Variants in P2RX1 observed in about 807,000 individuals in gnomAD.
P2RX1 encodes the protein purinergic receptor P2X 1, also known as P2X purinoceptor 1.
In P2RX1, 42 loss-of-function variants were observed where a neutral mutation model predicts 50.3. That is an observed-to-expected ratio of 0.83 (90% CI 0.65 to 1.08). P2RX1 has a LOEUF of 1.08. Ranked by LOEUF, P2RX1 falls within the 50% of genes least tolerant of loss-of-function variation. The pLI is 0.00. For missense variants in P2RX1, 449 were observed against 529.0 expected, an observed-to-expected ratio of 0.85 and a Z score of 1.48; for synonymous variants, 199 against 202.6, an observed-to-expected ratio of 0.98 and a Z score of 0.15.
chr17:3,899,207 T>A, intron 8 of P2RX1, among the ~76,000 whole-genome samples, 183 bp from the exon 9 acceptor site: 1 of 1,174 alleles, frequency 8.5e-4, no homozygotes, highest in Non-Finnish European at 1.9e-3. Context: ...CAACTCCTTT[T>A]TCTTTTTTTT....
chr17:3,905,437 G>A (rs1324343941), intron 1 of P2RX1, 70 bp from the exon 2 acceptor site: 3 of 1,566,360 alleles, frequency 1.9e-6, no homozygotes, highest in East Asian at 2.2e-5. Context: ...GCTTTCCCAC[G>A]CCCTCCCCAG....
intron 1 of P2RX1, among the ~76,000 whole-genome samples, chr17:3,911,287 CTGTT>C (rs1391141263): frequency 2.0e-5 from 3 of 147,082 alleles, no homozygotes; most frequent in Non-Finnish European, 4.6e-5. Flanking sequence ...GGCACCCGGT[CTGTT>C]TTTCTTTCTT....
intron 2 of P2RX1, 138 bp downstream of exon 2, chr17:3,905,082 A>T (rs2056237013): frequency 7.9e-7 from 1 of 1,262,324 alleles, no homozygotes; most frequent in African/African-American, 1.5e-5. Flanking sequence ...TGATATCACC[A>T]GGCTGCTTCT....
intron 4 of P2RX1, 148 bp downstream of exon 4, chr17:3,904,182 G>T (rs1054122641): frequency 1.7e-5 from 17 of 985,086 alleles, no homozygotes; most frequent in Non-Finnish European, 2.4e-5. Context: ...CAGGGCGGAG[G>T]AGGGGAGACG....
intron 7 of P2RX1, among the ~76,000 whole-genome samples, chr17:3,900,696 C>T (rs994734482): frequency 2.6e-5 from 4 of 152,118 alleles, no homozygotes; most frequent in Admixed American, 1.3e-4. Context: ...GAGCATTTCT[C>T]GCTTTATAAT....
chr17:3,903,108 C>T lies in P2RX1; in HGVS notation c.747+94G>A, dbSNP rs148022965. The T allele has an allele frequency of 7.2e-4, 1,119 of 1,560,754 alleles. No individual in the cohort carries two copies. The highest frequency in any genetic ancestry group is 2.4e-3 in the Middle Eastern group (14 of 5,924). On this transcript the variant is annotated intron_variant, in intron 7 of 11. Transcript: ENST00000225538. This position sits in a 1 kb window ranked among gnomAD's most constrained non-coding sequence, Gnocchi z 4.6. ...ACCCATACATATACTCAGCCCTCAC[C>T]GAGGAGACTTGGGAAGATGAACTGG...
At chr17:3,901,153 T>C (rs75722672) in intron 7 of P2RX1, among the ~76,000 whole-genome samples, 19 of 152,208 alleles carry the variant, frequency 1.2e-4, no homozygotes, top group African/African-American at 4.1e-4. Flanking sequence ...CTGCAACCTC[T>C]GCCTCCCAGG....
In P2RX1 at chr17:3,898,166, C is replaced by T. The variant is rs562884531; in HGVS notation, c.1033-56G>A. On this transcript the variant is annotated intron_variant, in intron 10 of 11. Transcript: ENST00000225538. Reference sequence around the variant, plus strand: ...TGGGAATCCGGGGGTGGGTACGGAGCCCTCCACATCCCACCTCAGTCCCTG... The same window carrying T: ...TGGGAATCCGGGGGTGGGTACGGAGTCCTCCACATCCCACCTCAGTCCCTG... 28 of 1,392,708 alleles carry T rather than the reference C, an allele frequency of 2.0e-5. No homozygotes were observed. The African/African-American group carries it at 3.7e-4, about 18-fold the overall frequency. The allele number at this position is 1,392,708 out of a possible 1,614,324, so 86.3% of individuals were successfully genotyped here.
intron 4 of P2RX1, 80 bp downstream of exon 4, chr17:3,904,250 G>T (rs2056214583): frequency 1.4e-6 from 2 of 1,386,034 alleles, no homozygotes; most frequent in Admixed American, 3.4e-5. Context: ...AGAGAGGCAG[G>T]TCAGCACCAA....
intron 7 of P2RX1, among the ~76,000 whole-genome samples, chr17:3,901,234 A>ATT (rs754274320): frequency 1.3e-5 from 2 of 152,062 alleles, no homozygotes; most frequent in Non-Finnish European, 2.9e-5. Context: ...TGCCCGGCTA[A>ATT]TTTTTTATAT....
At chr17:3,915,631 G>A (rs1450046449) in intron 1 of P2RX1, 3 of 457,982 alleles carry the variant, frequency 6.6e-6, no homozygotes, top group South Asian at 3.1e-5. Flanking sequence ...GTCCCTGGAT[G>A]TCCCTTGCTC....
intron 1 of P2RX1, among the ~76,000 whole-genome samples, chr17:3,908,561 CA>C (rs1291310785): frequency 1.3e-5 from 2 of 151,876 alleles, no homozygotes; most frequent in Non-Finnish European, 2.9e-5. Context: ...GACTCCGTCT[CA>C]AAAAAACAAA....
Position 3,899,559 on chromosome 17 carries a change from A to G in P2RX1, c.875+75T>C, listed in dbSNP as rs60036854. The stretch of plus-strand genomic sequence containing the variant: ...CTCCCCTCTGGGGACACTTTCTCAG[A>G]CCTGAAGTGTTCTGGGAGTAGAAAA... On this transcript the variant is annotated intron_variant, in intron 8 of 11. Coordinates refer to ENST00000225538, the MANE Select transcript of P2RX1 (RefSeq NM_002558.4). 17,055 of 1,590,840 alleles carry G rather than the reference A, an allele frequency of 0.011. 1,567 individuals are homozygous for G. In the African/African-American group the frequency reaches 0.2, roughly 19 times the overall value.
intron 1 of P2RX1, among the ~76,000 whole-genome samples, chr17:3,911,856 C>T (rs1159285632): frequency 6.6e-6 from 1 of 152,120 alleles, no homozygotes; most frequent in Non-Finnish European, 1.5e-5. Flanking sequence ...GGTGGGCACG[C>T]AACCAGGCTC....
intron 1 of P2RX1, among the ~76,000 whole-genome samples, chr17:3,913,189 T>A (rs1233514121): frequency 6.7e-6 from 1 of 148,980 alleles, no homozygotes; most frequent in East Asian, 2.0e-4. Context: ...TGGAGTGCAA[T>A]GGGGCAATCT....
chr17:3,906,415 G>C (rs928527912), intron 1 of P2RX1, among the ~76,000 whole-genome samples: 1 of 152,204 alleles, frequency 6.6e-6, no homozygotes, highest in East Asian at 1.9e-4. Context: ...ATAGGCATGA[G>C]CCACCGCACC....
Position 3,903,131 on chromosome 17 carries a change from T to A in P2RX1, c.747+71A>T. ...ACCGAGGAGACTTGGGAAGATGAAC[T>A]GGGCCTAAAAAGCCTTTATCAGGAT... On this transcript the variant is annotated intron_variant, in intron 7 of 11. Transcript: ENST00000225538. The surrounding 1 kb of genome is among the most constrained non-coding windows in gnomAD (Gnocchi z 4.6). The A allele has an allele frequency of 6.2e-7, 1 of 1,602,066 alleles. No individual in the cohort carries two copies. The highest frequency in any genetic ancestry group is 8.5e-7 in the Non-Finnish European group (1 of 1,172,788).
At chr17:3,915,882 C>T in intron 1 of P2RX1, 1 of 711,614 alleles carries the variant, frequency 1.4e-6, no homozygotes. Flanking sequence ...ACCGAAGGCC[C>T]CCGGGCAGGG....
chr17:3,915,208 T>G, intron 1 of P2RX1: 1 of 344,850 alleles, frequency 2.9e-6, no homozygotes, highest in East Asian at 8.0e-5. Flanking sequence ...GCAGAGTCAC[T>G]GTGAGTGGAC....
Sources: allele counts gnomAD v4.1 joint callset (sites outside exome capture counted in the v4.1 genomes callset), GRCh38; gene constraint gnomAD v4.1.1; non-coding constraint Gnocchi (gnomAD v3.1); transcripts MANE v1.5; gene names NCBI Gene and HGNC (gene_info 2026-07-23, HGNC 2026-07-21).